PIK3R3: variants seen among roughly 807,000 people sequenced by gnomAD.
PIK3R3 encodes the protein phosphoinositide-3-kinase regulatory subunit 3.
Under a neutral mutation model 62.9 loss-of-function variants are expected in PIK3R3, and 64 were observed. The observed-to-expected ratio is 1.02, with a 90% CI of 0.83 to 1.25. The LOEUF is 1.25. Among genes scored for constraint, PIK3R3 ranks in the 50% most tolerant of loss-of-function variants. The probability of loss-of-function intolerance (pLI) is 0.00; values close to 1 mark genes in which losing one functional copy is unlikely to be tolerated. For synonymous variants in PIK3R3, 165 were observed against 189.0 expected (o/e 0.87, Z 1.04); for missense variants, 614 against 561.6 (o/e 1.09, Z -0.94).
intron 1 of PIK3R3, among the ~76,000 whole-genome samples, chr1:46,101,409 G>A (rs1401938489): frequency 6.6e-6 from 1 of 152,068 alleles, no homozygotes; most frequent in East Asian, 1.9e-4. Context: ...GGGAGGCTGA[G>A]GCAGGAGAAT....
At chr1:46,161,961 G>A in the PIK3R3 span, among the ~76,000 whole-genome samples, 5 of 150,208 alleles carry the variant, frequency 3.3e-5, no homozygotes, top group African/African-American at 7.4e-5. Flanking sequence ...GCGTGGTGGC[G>A]GGCACCTGTA....
chr1:46,082,972 G>A lies in PIK3R3; in HGVS notation c.107-2222C>T, dbSNP rs144340545. Among the ~76,000 whole-genome samples, 456 of 152,154 alleles carry A rather than the reference G, an allele frequency of 3.0e-3. 3 individuals carry two copies. Among genetic ancestry groups the A allele is most frequent in the East Asian group, 0.02 (104 of 5,166 alleles). On this transcript the variant is annotated intron_variant, in intron 1 of 9. Coordinates refer to ENST00000262741, the MANE Select transcript of PIK3R3 (RefSeq NM_003629.4). Reference sequence around the variant, plus strand: ...TGCACACCTGTAATCCCAGCTACTCGGGAGGCTGAAGCAGGAGAATTGCTA... The same window carrying A: ...TGCACACCTGTAATCCCAGCTACTCAGGAGGCTGAAGCAGGAGAATTGCTA...
chr1:46,165,716 ATTTG>A, the PIK3R3 span, among the ~76,000 whole-genome samples: 1 of 53,268 alleles, frequency 1.9e-5, no homozygotes, highest in Admixed American at 1.9e-4. Flanking sequence ...AGGTCTATTT[ATTTG>A]TTTATTTTTA....
At chr1:46,065,087 G>A (rs182647785) in intron 5 of PIK3R3, among the ~76,000 whole-genome samples, 18 of 152,282 alleles carry the variant, frequency 1.2e-4, no homozygotes, top group Non-Finnish European at 1.9e-4. Flanking sequence ...ATAATAACCT[G>A]TGTTCCAAGA....
At chr1:46,083,889 T>C (rs545439249) in intron 1 of PIK3R3, among the ~76,000 whole-genome samples, 1 of 152,284 alleles carries the variant, frequency 6.6e-6, no homozygotes, top group Non-Finnish European at 1.5e-5. Flanking sequence ...AAAGGTTAAA[T>C]GCAGAGTTGC....
At chr1:46,074,644 C>A (rs1385564534) in intron 3 of PIK3R3, among the ~76,000 whole-genome samples, 1 of 142,092 alleles carries the variant, frequency 7.0e-6, no homozygotes, top group Non-Finnish European at 1.5e-5. Flanking sequence ...AATGCAGAGT[C>A]AATCCCCTCA....
chr1:46,076,985 T>G (rs1650124305), intron 3 of PIK3R3, among the ~76,000 whole-genome samples: 1 of 152,206 alleles, frequency 6.6e-6, no homozygotes, highest in Admixed American at 6.5e-5. Flanking sequence ...TGGAAATTTC[T>G]CATGCAGTTT....
intron 1 of PIK3R3, among the ~76,000 whole-genome samples, chr1:46,098,645 T>C (rs1438301332): frequency 2.0e-5 from 3 of 152,160 alleles, no homozygotes; most frequent in Admixed American, 6.5e-5. Flanking sequence ...TAGGCAAACT[T>C]ATAGAGACAG....
intron 1 of PIK3R3, among the ~76,000 whole-genome samples, chr1:46,089,920 A>C (rs574925541): frequency 9.9e-5 from 15 of 152,262 alleles, no homozygotes; most frequent in South Asian, 6.2e-4. Context: ...AATAAATAAC[A>C]TCAAAAAGTG....
the PIK3R3 span, among the ~76,000 whole-genome samples, chr1:46,165,305 C>CTTTTTT: frequency 6.9e-5 from 9 of 130,036 alleles, no homozygotes; most frequent in African/African-American, 2.4e-4. Flanking sequence ...TCTTCTTCTT[C>CTTTTTT]TTTTTTTTTT....
intron 7 of PIK3R3, chr1:46,046,960 T>C (rs1647132546): frequency 3.1e-6 from 1 of 319,808 alleles, no homozygotes; most frequent in African/African-American, 2.2e-5. Context: ...AACATTAGGT[T>C]AGCATGGTGT....
At chr1:46,071,757 AGAGC>A (rs1429157705) in intron 3 of PIK3R3, among the ~76,000 whole-genome samples, 12 of 128,250 alleles carry the variant, frequency 9.4e-5, no homozygotes, top group African/African-American at 2.7e-4. Context: ...AGAGAGAGAG[AGAGC>A]GCGCGCCTGA....
chr1:46,143,371 T>A, the PIK3R3 span, among the ~76,000 whole-genome samples: 1 of 152,328 alleles, frequency 6.6e-6, no homozygotes, highest in East Asian at 1.9e-4. Context: ...ATGGGTTACA[T>A]GTGATTTTTT....
intron 1 of PIK3R3, among the ~76,000 whole-genome samples, chr1:46,081,837 G>C (rs1399646894): frequency 6.6e-6 from 1 of 152,166 alleles, no homozygotes; most frequent in East Asian, 1.9e-4. Flanking sequence ...AAGGAAGGAA[G>C]TGCTCAAAGA....
the PIK3R3 span, among the ~76,000 whole-genome samples, chr1:46,165,304 T>TC: frequency 2.3e-5 from 3 of 132,002 alleles, no homozygotes; most frequent in Non-Finnish European, 3.1e-5. Context: ...TTCTTCTTCT[T>TC]CTTTTTTTTT....
the PIK3R3 span, among the ~76,000 whole-genome samples, chr1:46,141,625 A>G: frequency 6.6e-6 from 1 of 152,228 alleles, no homozygotes; most frequent in African/African-American, 2.4e-5. Context: ...AGAATAAAGG[A>G]TCATCTTTCC....
upstream of PIK3R3, chr1:46,133,087 C>T (rs1228032999): frequency 2.1e-6 from 2 of 971,676 alleles, no homozygotes; most frequent in Non-Finnish European, 2.5e-6. Context: ...TGCGAAGGAG[C>T]GGGAGACGGC....
chr1:46,097,818 G>A (rs183399122), intron 1 of PIK3R3, among the ~76,000 whole-genome samples: 342 of 151,660 alleles, frequency 2.3e-3, no homozygotes, highest in Middle Eastern at 6.8e-3. Context: ...GAACCCAGGA[G>A]GGGGAGGTTG....
At position 46,066,130 on chromosome 1, in the gene PIK3R3, T is replaced by C. The variant is rs769144678; in HGVS notation, c.545A>G (p.Gln182Arg). ...CTCCTGATACTGAGAGTGGTATTCT[T>C]GCAGTTTTTTACCTACTGCATCAAT... Reference protein sequence around the residue: ...DNIDAVGKKLQEYHSQYQEKS... With the variant: ...DNIDAVGKKLREYHSQYQEKS... The change falls in exon 5 of 10, where the codon CAA (glutamine) becomes CGA (arginine). Residue 182 changes from glutamine to arginine, a missense_variant. Coordinates refer to ENST00000262741, the MANE Select transcript of PIK3R3 (RefSeq NM_003629.4). 11 of 1,596,992 alleles carry C rather than the reference T, an allele frequency of 6.9e-6. No individual in the cohort carries two copies. Among genetic ancestry groups the C allele is most frequent in the Non-Finnish European group, 9.4e-6 (11 of 1,164,878 alleles).
Sources: allele counts gnomAD v4.1 joint callset (sites outside exome capture counted in the v4.1 genomes callset), GRCh38; gene constraint gnomAD v4.1.1; transcripts MANE v1.5; gene names NCBI Gene and HGNC (gene_info 2026-07-23, HGNC 2026-07-21).